Variants in THSD7A observed in about 807,000 individuals in gnomAD.
THSD7A encodes the protein thrombospondin type 1 domain containing 7A.
In THSD7A, 96 loss-of-function variants were observed where a neutral mutation model predicts 231.3. The observed-to-expected ratio is 0.41, with a 90% CI of 0.35 to 0.49. THSD7A has a LOEUF of 0.49. THSD7A is among the 20% of genes least tolerant of loss of function. The pLI is 0.05. For synonymous variants in THSD7A, 940 were observed against 743.3 expected (o/e 1.26, Z -4.30); for missense variants, 2,290 against 2,070.2 (o/e 1.11, Z -2.06).
chr7:11,530,824 A>C (rs897605137), intron 6 of THSD7A, among the ~76,000 whole-genome samples: 7 of 152,272 alleles, frequency 4.6e-5, no homozygotes, highest in South Asian at 2.1e-4. Context: ...CAGCCTGGTC[A>C]ATACAGTGAA....
chr7:11,720,391 T>A (rs567439842), intron 1 of THSD7A, among the ~76,000 whole-genome samples: 2 of 151,918 alleles, frequency 1.3e-5, no homozygotes, highest in African/African-American at 4.8e-5. Context: ...CCCAGTATGC[T>A]GGATTCCATC....
intron 6 of THSD7A, among the ~76,000 whole-genome samples, chr7:11,508,027 G>C (rs886868061): frequency 1.3e-5 from 2 of 152,126 alleles, no homozygotes; most frequent in Non-Finnish European, 2.9e-5. Context: ...TTACATGGTG[G>C]CAGGAGAGAG....
chr7:11,566,118 G>C lies in THSD7A; in HGVS notation c.1454-23001C>G, dbSNP rs182805902. On this transcript the variant is annotated intron_variant, in intron 4 of 27. Coordinates refer to ENST00000423059, the MANE Select transcript of THSD7A (RefSeq NM_015204.3). ...GTGTTTCTTAAAAACAAATACGAAA[G>C]GTCAAATGTTGCTGAGTGTCAACAT... Among the ~76,000 whole-genome samples the C allele has an allele frequency of 2.0e-4, 31 of 152,152 alleles. No individual in the cohort carries two copies. In the East Asian group the frequency reaches 5.4e-3, roughly 27 times the overall value.
intron 9 of THSD7A, among the ~76,000 whole-genome samples, chr7:11,464,063 C>T (rs191250873): frequency 6.6e-6 from 1 of 152,134 alleles, no homozygotes; most frequent in African/African-American, 2.4e-5. Flanking sequence ...TTTTCTCTCC[C>T]TCTTCCTTCT....
At chr7:11,503,299 A>G (rs1042877568) in intron 6 of THSD7A, among the ~76,000 whole-genome samples, 7 of 152,220 alleles carry the variant, frequency 4.6e-5, no homozygotes, top group Non-Finnish European at 1.0e-4. Context: ...TATGCCATAT[A>G]CAAAAATCAA....
chr7:11,806,469 T>C (rs571788358), intron 1 of THSD7A, among the ~76,000 whole-genome samples: 1 of 152,294 alleles, frequency 6.6e-6, no homozygotes, highest in African/African-American at 2.4e-5. Flanking sequence ...AGCTTTAGTC[T>C]ACAGAGCTTA....
intron 23 of THSD7A, among the ~76,000 whole-genome samples, chr7:11,389,254 C>T (rs747564806): frequency 1.3e-5 from 2 of 151,968 alleles, no homozygotes; most frequent in South Asian, 2.1e-4. Flanking sequence ...TCTCTAAGAA[C>T]TTGCTTTATG....
intron 6 of THSD7A, among the ~76,000 whole-genome samples, chr7:11,497,289 T>C (rs1360688110): frequency 6.6e-6 from 1 of 152,152 alleles, no homozygotes; most frequent in East Asian, 1.9e-4. Flanking sequence ...GTGGGGATTA[T>C]GGGAACTACA....
At chr7:11,759,685 G>C (rs996892381) in intron 1 of THSD7A, among the ~76,000 whole-genome samples, 38 of 151,978 alleles carry the variant, frequency 2.5e-4, no homozygotes, top group African/African-American at 8.5e-4. Flanking sequence ...CACACCTAGA[G>C]AGCAGAATGC....
chr7:11,751,602 T>C (rs77464167), intron 1 of THSD7A, among the ~76,000 whole-genome samples: 4,058 of 152,038 alleles, frequency 0.027, 197 homozygotes, highest in African/African-American at 0.093. Flanking sequence ...TGCTCAAATC[T>C]TCTTTGCAGG....
chr7:11,691,276 T>C (rs1780222131), intron 1 of THSD7A, among the ~76,000 whole-genome samples: 1 of 151,530 alleles, frequency 6.6e-6, no homozygotes, highest in Non-Finnish European at 1.5e-5. Context: ...ATTATTCAAA[T>C]GTTCATAAGA....
At chr7:11,806,576 C>A (rs1316043717) in intron 1 of THSD7A, among the ~76,000 whole-genome samples, 1 of 152,052 alleles carries the variant, frequency 6.6e-6, no homozygotes, top group South Asian at 2.1e-4. Context: ...ATTTACACTG[C>A]CTGAGCTAAG....
At chr7:11,744,849 A>T (rs1323525351) in intron 1 of THSD7A, among the ~76,000 whole-genome samples, 1 of 152,016 alleles carries the variant, frequency 6.6e-6, no homozygotes, top group Non-Finnish European at 1.5e-5. Context: ...CATTTTTTGG[A>T]CATTTGGCTT....
chr7:11,672,188 C>T (rs377441806), intron 1 of THSD7A, among the ~76,000 whole-genome samples: 14 of 152,250 alleles, frequency 9.2e-5, no homozygotes, highest in African/African-American at 3.4e-4. Flanking sequence ...ACTACTCTTA[C>T]TCCATTCTTT....
chr7:11,627,635 T>C (rs1471479099), intron 2 of THSD7A, among the ~76,000 whole-genome samples: 1 of 152,162 alleles, frequency 6.6e-6, no homozygotes, highest in East Asian at 1.9e-4. Flanking sequence ...ATGGGAGATG[T>C]ACATAAACTG....
At chr7:11,586,758 A>G (rs1049158988) in intron 4 of THSD7A, among the ~76,000 whole-genome samples, 2 of 152,102 alleles carry the variant, frequency 1.3e-5, no homozygotes, top group East Asian at 1.9e-4. Flanking sequence ...GAGCATGAGG[A>G]AATGCGAGTT....
At chr7:11,492,518 T>C (rs530295175) in intron 6 of THSD7A, among the ~76,000 whole-genome samples, 106 of 152,172 alleles carry the variant, frequency 7.0e-4, no homozygotes, top group African/African-American at 2.5e-3. Context: ...ACACATTCTA[T>C]ATTTATCACA....
chr7:11,757,755 T>C lies in THSD7A; in HGVS notation c.190+74002A>G, dbSNP rs185963440. On this transcript the variant is annotated intron_variant, in intron 1 of 27. Coordinates refer to ENST00000423059, the MANE Select transcript of THSD7A (RefSeq NM_015204.3). The stretch of plus-strand genomic sequence containing the variant: ...GTCCATTGTAACATGACTTATGATT[T>C]AGAGTAAATATCTTTAATGGGCTTT... 1.6e-3 allele frequency among the ~76,000 whole-genome samples: 244 copies of C among 152,026 alleles called. 1 individual carries two copies. The highest frequency in any genetic ancestry group is 2.6e-3 in the Non-Finnish European group (177 of 67,912).
chr7:11,737,217 C>T (rs898628540), intron 1 of THSD7A, among the ~76,000 whole-genome samples: 3 of 152,026 alleles, frequency 2.0e-5, no homozygotes, highest in African/African-American at 7.2e-5. Flanking sequence ...ACATTTTATA[C>T]ACCTGAATAC....
Sources: gnomAD v4.1 joint callset for allele counts (sites outside exome capture counted in the v4.1 genomes callset) on GRCh38, gnomAD v4.1.1 for gene constraint, MANE v1.5 for transcripts, NCBI Gene and HGNC (gene_info 2026-07-23, HGNC 2026-07-21) for gene names.